The following BTN2A2 variants were observed in gnomAD, a reference collection of about 807,000 sequenced individuals.
BTN2A2 encodes the protein butyrophilin subfamily 2 member A2.
Under a neutral mutation model 34.7 loss-of-function variants are expected in BTN2A2, and 29 were observed. The observed-to-expected ratio is 0.84, with a 90% confidence interval of 0.62 to 1.14. The LOEUF (loss-of-function observed/expected upper bound fraction) is 1.14. BTN2A2 is among the 50% of genes most tolerant of loss of function. The probability of loss-of-function intolerance (pLI) is 0.00; values close to 1 mark genes in which losing one functional copy is unlikely to be tolerated. For missense variants in BTN2A2, 612 were observed against 651.5 expected (o/e 0.94, Z 0.66); for synonymous variants, 240 against 253.1 (o/e 0.95, Z 0.49).
At position 26,388,201 on chromosome 6, in the gene BTN2A2, G is replaced by C. The variant is rs1241263118; in HGVS notation, c.631G>C (p.Val211Leu). The change falls in exon 4 of 8, where the codon GTG becomes CTG. Residue 211 changes from valine to leucine, a missense_variant. Coordinates refer to ENST00000356709, the MANE Select transcript of BTN2A2 (RefSeq NM_006995.5). Reference sequence around the variant, plus strand: ...CGGCCTCTTCATGGTCACCACAGCTGTGATCATCAGAGACAAGTATGTGAG... The same window carrying C: ...CGGCCTCTTCATGGTCACCACAGCTCTGATCATCAGAGACAAGTATGTGAG... ...ADGLFMVTTAVIIRDKYVRNV... is the reference protein window; with the variant it reads ...ADGLFMVTTALIIRDKYVRNV... The C allele has an allele frequency of 6.2e-7, 1 of 1,614,106 alleles. No homozygotes were observed. Among genetic ancestry groups the C allele is most frequent in the African/African-American group, 1.3e-5 (1 of 74,926 alleles).
Position 26,392,941 on chromosome 6 carries a change from A to G in BTN2A2, c.1546A>G (p.Arg516Gly). Residue 516 changes from arginine to glycine, a missense_variant, in exon 8 of 8, where the codon AGA (arginine) becomes GGA (glycine). Physicochemically the swap from Arg to Gly is moderately radical, Grantham distance 125. Transcript: ENST00000356709. ...GCCTGAAGAGGGCCTGAAACTTCACAGAGTGGGGACCCACCAGAGCCTATA... is the reference window on the plus strand; with the variant it reads ...GCCTGAAGAGGGCCTGAAACTTCACGGAGTGGGGACCCACCAGAGCCTATA... ...MVPEEGLKLH[R>G]VGTHQSL is the part of the protein sequence containing the mutation. The G allele has an allele frequency of 6.2e-7, 1 of 1,614,200 alleles. No individual in the cohort carries two copies. The highest frequency in any genetic ancestry group is 8.5e-7 in the Non-Finnish European group (1 of 1,180,028).
intron 7 of BTN2A2, chr6:26,391,217 A>C: frequency 3.3e-6 from 1 of 306,620 alleles, no homozygotes; most frequent in South Asian, 4.3e-5. Flanking sequence ...GACTGTGCAC[A>C]GTTGAAGACC....
At position 26,388,146 on chromosome 6, in the gene BTN2A2, C is replaced by T; in HGVS notation, c.576C>T (p.Ala192=). ...ACCCCTACGGTGAGGTTGTGCCCGC[C>T]CTGAAGGAGGTTTCCATCGCTGATG... is the stretch of plus-strand genomic sequence containing the variant. The part of the protein sequence containing the change: ...WRDPYGEVVP[A]LKEVSIADAD... The change falls in exon 4 of 8, where the codon GCC becomes GCT. Residue 192 remains alanine, a synonymous_variant. Transcript: ENST00000356709. The T allele has an allele frequency of 6.2e-7, 1 of 1,614,156 alleles. No individual in the cohort carries two copies.
At position 26,394,092 on chromosome 6, in the gene BTN2A2, A is replaced by G. The variant is rs1131936; in HGVS notation, c.*1125A>G. 0.21 allele frequency: 103,130 copies of G among 498,056 alleles called. 17,202 individuals carry two copies. Among genetic ancestry groups the G allele is most frequent in the African/African-American group, 0.65 (33,548 of 51,364 alleles). 30.9% of individuals were successfully genotyped at this position (498,056 alleles called of 1,614,324 possible). On this transcript the variant is annotated 3_prime_UTR_variant, in exon 8 of 8. Coordinates refer to ENST00000356709, the MANE Select transcript of BTN2A2 (RefSeq NM_006995.5). Reference sequence around the variant, plus strand: ...TAAACCTATTGGTATATCATAGGTCATGTTAGCTCAAAAAAACTTTACTGC... The same window carrying G: ...TAAACCTATTGGTATATCATAGGTCGTGTTAGCTCAAAAAAACTTTACTGC...
chr6:26,383,984 G>C lies in BTN2A2; in HGVS notation c.94+69G>C. 6.6e-7 allele frequency: 1 copy of C among 1,523,342 alleles called. No individual in the cohort carries two copies. 94.4% of individuals were successfully genotyped at this position (1,523,342 alleles called of 1,614,324 possible). A position where few individuals can be genotyped will look rare whatever the true frequency, so the allele number is the denominator to read the frequency against. ...ACATCAACCCTGTAGTCTGCAAAGG[G>C]AAAGAAGGAAGAACTGTGGGGTTGT... is the stretch of plus-strand genomic sequence containing the variant. On this transcript the variant is annotated intron_variant, in intron 2 of 7. Transcript: ENST00000356709. This position sits in a 1 kb window ranked among gnomAD's most constrained non-coding sequence, Gnocchi z 4.4.
In BTN2A2 at chr6:26,394,394, G is replaced by C; in HGVS notation, c.*1427G>C. On this transcript the variant is annotated 3_prime_UTR_variant, in exon 8 of 8. Coordinates refer to ENST00000356709, the MANE Select transcript of BTN2A2 (RefSeq NM_006995.5). ...GTGTTTCCAGAAGAGATTGGCAAGT[G>C]AGTCAGTGGGAAATTCTCTCCTTCT... 1 of 681,188 alleles carries C rather than the reference G, an allele frequency of 1.5e-6. No homozygotes were observed. The highest frequency in any genetic ancestry group is 2.7e-6 in the Non-Finnish European group (1 of 373,100). The allele number at this position is 681,188 out of a possible 1,614,324, so 42.2% of individuals were successfully genotyped here.
At position 26,384,885 on chromosome 6, in the gene BTN2A2, A is replaced by G. The variant is rs4490658; in HGVS notation, c.95-130A>G. The G allele has an allele frequency of 0.2, 201,358 of 1,016,402 alleles. 26,158 individuals carry two copies. Among genetic ancestry groups the G allele is most frequent in the African/African-American group, 0.6 (36,806 of 61,066 alleles). 63.0% of individuals were successfully genotyped at this position (1,016,402 alleles called of 1,614,324 possible). Reference sequence around the variant, plus strand: ...GGGTTCTCAGCCCAAGAACCCCTGTAGCCTTGGAATATCTGCTTCCTTTCA... The same window carrying G: ...GGGTTCTCAGCCCAAGAACCCCTGTGGCCTTGGAATATCTGCTTCCTTTCA... On this transcript the variant is annotated intron_variant, in intron 2 of 7. Transcript: ENST00000356709. This position sits in a 1 kb window ranked among gnomAD's most constrained non-coding sequence, Gnocchi z 4.0.
intron 4 of BTN2A2, among the ~76,000 whole-genome samples, chr6:26,388,678 C>A (rs1055075737): frequency 2.0e-5 from 3 of 152,196 alleles, no homozygotes; most frequent in African/African-American, 7.2e-5. Context: ...AAGGACAGAG[C>A]TGGGGAAATT....
chr6:26,385,449 C>G, intron 3 of BTN2A2, 87 bp downstream of exon 3: 1 of 1,268,960 alleles, frequency 7.9e-7, no homozygotes, highest in Non-Finnish European at 1.1e-6. Flanking sequence ...CATTGCAGAC[C>G]AACGGATTTC....
chr6:26,391,954 T>G, intron 7 of BTN2A2: 2 of 490,250 alleles, frequency 4.1e-6, no homozygotes, highest in Non-Finnish European at 7.4e-6. Flanking sequence ...AATTGATCCA[T>G]TGAGAGGTAT....
At position 26,388,254 on chromosome 6, in the gene BTN2A2, C is replaced by A; in HGVS notation, c.684C>A (p.Thr228=). The A allele has an allele frequency of 6.2e-7, 1 of 1,614,156 alleles. No individual in the cohort carries two copies. The highest frequency in any genetic ancestry group is 8.5e-7 in the Non-Finnish European group (1 of 1,180,024). Residue 228 remains threonine (T), a synonymous_variant, in exon 4 of 8, where the codon ACC becomes ACA. Coordinates refer to ENST00000356709, the MANE Select transcript of BTN2A2 (RefSeq NM_006995.5). ...VRNVSCSVNN[T]LLGQEKETVI... ...ATGTGTCCTGCTCTGTCAACAACAC[C>A]CTGCTCGGCCAGGAGAAGGAAACTG...
Position 26,388,076 on chromosome 6 carries a change from G to A in BTN2A2, c.506G>A (p.Cys169Tyr). ...AQEDGSIWLE[C>Y]ISGGWYPEPL... is the part of the protein sequence containing the mutation. ...GAGGATGGGAGCATCTGGCTGGAGT[G>A]CATATCTGGAGGGTGGTACCCAGAG... Residue 169 changes from cysteine to tyrosine, a missense_variant, in exon 4 of 8, where the codon TGC (cysteine) becomes TAC (tyrosine). Coordinates refer to ENST00000356709, the MANE Select transcript of BTN2A2 (RefSeq NM_006995.5). The A allele has an allele frequency of 6.2e-7, 1 of 1,614,114 alleles. No homozygotes were observed. The highest frequency in any genetic ancestry group is 8.5e-7 in the Non-Finnish European group (1 of 1,180,012).
rs1761751864 is a variant in BTN2A2 at position 26,393,969 on chromosome 6, CA to C, written c.*1005del. On this transcript the variant is annotated 3_prime_UTR_variant, in exon 8 of 8. Coordinates refer to ENST00000356709, the MANE Select transcript of BTN2A2 (RefSeq NM_006995.5). ...TTGTGAAAAAGCAATCTATTGTGTC[CA>C]AATAAAAAAACAAAAAGTGTGACAC... 6.8e-6 allele frequency: 2 copies of C among 295,184 alleles called. No individual in the cohort carries two copies. Among genetic ancestry groups the C allele is most frequent in the Non-Finnish European group, 1.2e-5 (2 of 173,012 alleles). 18.3% of individuals were successfully genotyped at this position (295,184 alleles called of 1,614,324 possible). A position where few individuals can be genotyped will look rare whatever the true frequency, so the allele number is the denominator to read the frequency against.
At chr6:26,386,211 A>G (rs1218395827) in intron 3 of BTN2A2, among the ~76,000 whole-genome samples, 1 of 152,220 alleles carries the variant, frequency 6.6e-6, no homozygotes, top group Non-Finnish European at 1.5e-5. Context: ...GAGAAAGACT[A>G]AGAATTTAGC....
rs1761002606 is a variant in BTN2A2 at position 26,383,707 on chromosome 6, C to T, written c.-30-85C>T. ...CCAGAAGTTGGGGCACCGATGAGAC[C>T]TACTTGAGTGACAGGAGAGGTTGGG... On this transcript the variant is annotated intron_variant, in intron 1 of 7. Coordinates refer to ENST00000356709, the MANE Select transcript of BTN2A2 (RefSeq NM_006995.5). This position sits in a 1 kb window ranked among gnomAD's most constrained non-coding sequence, Gnocchi z 4.4. 10 of 1,037,456 alleles carry T rather than the reference C, an allele frequency of 9.6e-6. No individual in the cohort carries two copies. Among genetic ancestry groups the T allele is most frequent in the Middle Eastern group, 2.1e-4 (1 of 4,860 alleles). The allele number at this position is 1,037,456 out of a possible 1,614,324, so 64.3% of individuals were successfully genotyped here. A position where few individuals can be genotyped will look rare whatever the true frequency, so the allele number is the denominator to read the frequency against.
rs1438844738 is a variant in BTN2A2, at chr6:26,383,772, C to A, written c.-30-20C>A. ...AGGTGCCAAGACTCCTAGGCTGATT[C>A]TCCTCCTCTGTAACCCTAGGCCTCT... is the stretch of plus-strand genomic sequence containing the variant. On this transcript the variant is annotated intron_variant, in intron 1 of 7. Transcript: ENST00000356709. The surrounding 1 kb of genome is among the most constrained non-coding windows in gnomAD (Gnocchi z 4.4). 6.3e-7 allele frequency: 1 copy of A among 1,576,802 alleles called. No individual in the cohort carries two copies. The highest frequency in any genetic ancestry group is 1.4e-5 in the African/African-American group (1 of 73,972).
rs1760986524 is a variant in BTN2A2 at position 26,383,478 on chromosome 6, G to A, written c.-31+297G>A. 3.8e-6 allele frequency: 1 copy of A among 263,944 alleles called. No individual in the cohort carries two copies. Among genetic ancestry groups the A allele is most frequent in the Non-Finnish European group, 7.3e-6 (1 of 136,712 alleles). The allele number at this position is 263,944 out of a possible 1,614,324, so 16.4% of individuals were successfully genotyped here. On this transcript the variant is annotated intron_variant, in intron 1 of 7. Transcript: ENST00000356709. This position sits in a 1 kb window ranked among gnomAD's most constrained non-coding sequence, Gnocchi z 4.4. ...CGCCTGGCTTTACCTCGAGTGTCCC[G>A]ACCTGGGTCTCGGGGAGGGGGAAGT... is the stretch of plus-strand genomic sequence containing the variant.
Position 26,393,014 on chromosome 6 carries a change from T to A in BTN2A2, c.*47T>A. On this transcript the variant is annotated 3_prime_UTR_variant, in exon 8 of 8. Transcript: ENST00000356709. Reference sequence around the variant, plus strand: ...GCCATGCAGATAAGCCCTGGCCATCTCAGCAGCCACCGCACAACCCCCCTA... The same window carrying A: ...GCCATGCAGATAAGCCCTGGCCATCACAGCAGCCACCGCACAACCCCCCTA... 2 of 1,613,642 alleles carry A rather than the reference T, an allele frequency of 1.2e-6. No homozygotes were observed. Among genetic ancestry groups the A allele is most frequent in the Non-Finnish European group, 8.5e-7 (1 of 1,179,766 alleles).
chr6:26,390,486 A>G (rs558510239), intron 5 of BTN2A2: 1 of 747,472 alleles, frequency 1.3e-6, no homozygotes, highest in Admixed American at 2.5e-5. Context: ...ACGAAAGTTC[A>G]GACAAAAGTC....
Sources: allele counts gnomAD v4.1 joint callset (sites outside exome capture counted in the v4.1 genomes callset), GRCh38; gene constraint gnomAD v4.1.1; non-coding constraint Gnocchi (gnomAD v3.1); transcripts MANE v1.5; gene names NCBI Gene and HGNC (gene_info 2026-07-23, HGNC 2026-07-21).